Variants in REV1 observed in about 807,000 individuals in gnomAD.
REV1 encodes REV1 DNA directed polymerase.
A neutral mutation model predicts 137.4 loss-of-function variants in REV1; 42 were observed. The observed-to-expected ratio is 0.31, with a 90% confidence interval of 0.24 to 0.40. REV1 has a LOEUF of 0.40. Among genes scored for constraint, REV1 ranks in the 10% least tolerant of loss-of-function variants. The probability of loss-of-function intolerance (pLI) is 1.00; values close to 1 mark genes in which losing one functional copy is unlikely to be tolerated. For synonymous variants in REV1, 524 were observed against 519.2 expected, an observed-to-expected ratio of 1.01 and a Z score of -0.12; for missense variants, 1,282 against 1,490.1, an observed-to-expected ratio of 0.86 and a Z score of 2.30.
intron 1 of REV1, among the ~76,000 whole-genome samples, chr2:99,473,518 T>G (rs978636153): frequency 2.6e-5 from 4 of 152,234 alleles, no homozygotes; most frequent in Admixed American, 1.3e-4. Context: ...CAGTTCACAT[T>G]CTAAGCATAG....
At chr2:99,477,616 A>T (rs1399645695) in intron 1 of REV1, among the ~76,000 whole-genome samples, 1 of 152,248 alleles carries the variant, frequency 6.6e-6, no homozygotes, top group Non-Finnish European at 1.5e-5. Flanking sequence ...TATATAAATT[A>T]AAAATAGACA....
At chr2:99,426,014 C>T (rs978497006) in intron 9 of REV1, among the ~76,000 whole-genome samples, 3 of 150,884 alleles carry the variant, frequency 2.0e-5, no homozygotes, top group Admixed American at 1.3e-4. Flanking sequence ...CCAGCCTGGG[C>T]AACAAGAGCG....
rs1380181806 is a variant in REV1 at position 99,435,821 on chromosome 2, C to G, written c.1321+13G>C. 1 of 1,343,304 alleles carries G rather than the reference C, an allele frequency of 7.4e-7. No individual in the cohort carries two copies. The highest frequency in any genetic ancestry group is 2.0e-5 in the Admixed American group (1 of 49,896). 83.2% of individuals were successfully genotyped at this position (1,343,304 alleles called of 1,614,324 possible). A position where few individuals can be genotyped will look rare whatever the true frequency, so the allele number is the denominator to read the frequency against. On this transcript the variant is annotated intron_variant, in intron 7 of 22. Transcript: ENST00000258428. ...TATATCAGTTTTCTTAAAACATAAG[C>G]AAGAATACAGACCTTTGAGATCTGG...
At chr2:99,403,142 G>T in intron 19 of REV1, 36 bp from the exon 20 acceptor site, 1 of 1,443,990 alleles carries the variant, frequency 6.9e-7, no homozygotes, top group Non-Finnish European at 9.3e-7. Context: ...TCAACAAAAT[G>T]ATAGTATGGA....
Position 99,438,779 on chromosome 2 carries a change from G to A in REV1, c.1035C>T (p.Asp345=), listed in dbSNP as rs752283493. The A allele has an allele frequency of 1.2e-6, 2 of 1,614,226 alleles. No individual in the cohort carries two copies. The highest frequency in any genetic ancestry group is 1.7e-6 in the Non-Finnish European group (2 of 1,180,034). Residue 345 remains aspartate, a synonymous_variant, in exon 6 of 23, where the codon GAC becomes GAT. Coordinates refer to ENST00000258428, the MANE Select transcript of REV1 (RefSeq NM_016316.4). The stretch of plus-strand genomic sequence containing the variant: ...AATAGAAGTTTGAAATAAAATTGCA[G>A]TCTGAAGGTTTGGATGGCACTGAAG... ...AAPSVPSKPS[D]CNFISNFYSH... is the part of the protein sequence containing the mutation.
intron 3 of REV1, among the ~76,000 whole-genome samples, chr2:99,461,859 G>T (rs573268477): frequency 6.6e-6 from 1 of 152,276 alleles, no homozygotes; most frequent in South Asian, 2.1e-4. Context: ...TGTGCAACAG[G>T]CAAAGAAGCA....
intron 14 of REV1, among the ~76,000 whole-genome samples, chr2:99,409,939 A>G (rs972486952): frequency 6.8e-6 from 1 of 146,280 alleles, no homozygotes; most frequent in Non-Finnish European, 1.5e-5. Flanking sequence ...CTTTTTACCA[A>G]TTAAATGTAT....
At chr2:99,484,670 G>A (rs1357986134) in intron 1 of REV1, among the ~76,000 whole-genome samples, 1 of 151,832 alleles carries the variant, frequency 6.6e-6, no homozygotes, top group Non-Finnish European at 1.5e-5. Flanking sequence ...AAGCATTTAA[G>A]TATAGTAGTA....
chr2:99,420,563 C>A (rs1411853532), intron 11 of REV1, among the ~76,000 whole-genome samples: 3 of 152,252 alleles, frequency 2.0e-5, no homozygotes, highest in African/African-American at 7.2e-5. Context: ...TGTCTCCTAA[C>A]CACCCTGGTG....
Position 99,403,025 on chromosome 2 carries a change from G to A in REV1, c.3248C>T (p.Pro1083Leu), listed in dbSNP as rs1027984374. The change falls in exon 20 of 23, where the codon CCA (proline) becomes CTA (leucine). Residue 1083 changes from proline to leucine, a missense_variant. This residue lies in a region of REV1 where 170 missense variants were observed against 156.8 expected (regional missense o/e 1.08). Coordinates refer to ENST00000258428, the MANE Select transcript of REV1 (RefSeq NM_016316.4). Reference protein sequence around the residue: ...RNKKKKTIGSPKRIQSPLNNK... With the variant: ...RNKKKKTIGSLKRIQSPLNNK... ...ATTCAAAGGACTCTGAATCCTTTTT[G>A]GTGAACCAATGGTTTTTTTCTTCTT... 9 of 1,613,902 alleles carry A rather than the reference G, an allele frequency of 5.6e-6. No individual in the cohort carries two copies. In the Admixed American group the frequency reaches 6.7e-5, roughly 12 times the overall value.
At position 99,404,545 on chromosome 2, in the gene REV1, A is replaced by G; in HGVS notation, c.2944T>C (p.Leu982=). Residue 982 remains leucine, a synonymous_variant, in exon 18 of 23, where the codon TTG becomes CTG. Coordinates refer to ENST00000258428, the MANE Select transcript of REV1 (RefSeq NM_016316.4). ...AAGACTGTCCCAACTGGTTGTGGCA[A>G]AATTCCTGTATTACAGCCATTTACT... ...EPVNGCNTGI[L]PQPVGTVLLQ... 1 of 1,614,168 alleles carries G rather than the reference A, an allele frequency of 6.2e-7. No homozygotes were observed. Among genetic ancestry groups the G allele is most frequent in the Non-Finnish European group, 8.5e-7 (1 of 1,180,024 alleles).
At chr2:99,461,282 C>G (rs1024777464) in intron 3 of REV1, among the ~76,000 whole-genome samples, 4 of 152,206 alleles carry the variant, frequency 2.6e-5, no homozygotes, top group Non-Finnish European at 5.9e-5. Context: ...ATACTTAACT[C>G]CAATTCAACA....
intron 3 of REV1, among the ~76,000 whole-genome samples, chr2:99,453,954 C>A (rs1461106438): frequency 1.3e-5 from 2 of 149,026 alleles, no homozygotes; most frequent in African/African-American, 4.9e-5. Flanking sequence ...GAAATTCTAT[C>A]CTCCAAATTT....
Position 99,404,686 on chromosome 2 carries a change from T to C in REV1, c.2812-9A>G, listed in dbSNP as rs1427361629. On this transcript the variant is annotated splice_polypyrimidine_tract_variant and intron_variant, in intron 17 of 22. Transcript: ENST00000258428. Reference sequence around the variant, plus strand: ...AAAACAGACTGATCCAGCTATAAAATGCCAAACATATGAGTAGGAAGTTAA... The same window carrying C: ...AAAACAGACTGATCCAGCTATAAAACGCCAAACATATGAGTAGGAAGTTAA... 6.3e-7 allele frequency: 1 copy of C among 1,594,940 alleles called. No individual in the cohort carries two copies. Among genetic ancestry groups the C allele is most frequent in the African/African-American group, 1.3e-5 (1 of 74,398 alleles).
intron 3 of REV1, among the ~76,000 whole-genome samples, chr2:99,459,683 G>A (rs1683956509): frequency 6.6e-6 from 1 of 152,138 alleles, no homozygotes; most frequent in African/African-American, 2.4e-5. Context: ...TACAGCCTGG[G>A]TGACAGAGGG....
chr2:99,479,358 G>A (rs180973994), intron 1 of REV1, among the ~76,000 whole-genome samples: 12 of 150,222 alleles, frequency 8.0e-5, no homozygotes, highest in African/African-American at 2.2e-4. Context: ...AAAGATTACA[G>A]GCAACAAAAT....
intron 1 of REV1, among the ~76,000 whole-genome samples, chr2:99,485,048 G>A (rs540636318): frequency 6.6e-4 from 101 of 152,226 alleles, no homozygotes; most frequent in Middle Eastern, 3.4e-3. Flanking sequence ...ACACAAAGCA[G>A]CAGCCCTTTG....
chr2:99,486,074 G>A (rs931218279), intron 1 of REV1, among the ~76,000 whole-genome samples: 1 of 152,102 alleles, frequency 6.6e-6, no homozygotes, highest in Non-Finnish European at 1.5e-5. Flanking sequence ...GCAGTGAGCC[G>A]TGATCACACC....
Position 99,406,097 on chromosome 2 carries a change from G to A in REV1, c.2624C>T (p.Ala875Val). ...AGATGATATTTCCAGATCCACAGCA[G>A]CCCGAAATACTACAAAAAGAAAATA... ...TEEEHKEVFR[A>V]AVDLEISSAS... Residue 875 changes from alanine to valine, a missense_variant, in exon 17 of 23, where the codon GCT becomes GTT. By Grantham distance (64) the Ala-to-Val change is moderately conservative. This residue lies in a region of REV1 where 372 missense variants were observed against 482.3 expected (regional missense o/e 0.77). Transcript: ENST00000258428. 6.2e-7 allele frequency: 1 copy of A among 1,611,022 alleles called. No individual in the cohort carries two copies. Among genetic ancestry groups the A allele is most frequent in the East Asian group, 2.2e-5 (1 of 44,802 alleles).
Sources: gnomAD v4.1 joint callset for allele counts (sites outside exome capture counted in the v4.1 genomes callset) on GRCh38, gnomAD v4.1.1 for gene constraint, gnomAD v4.1.1 regional missense constraint, MANE v1.5 for transcripts, NCBI Gene and HGNC (gene_info 2026-07-23, HGNC 2026-07-21) for gene names.